NOSTRIN: variants seen among roughly 807,000 people sequenced by gnomAD.
NOSTRIN encodes nitric oxide synthase trafficking.
A neutral mutation model predicts 59.0 loss-of-function variants in NOSTRIN; 63 were observed. The observed-to-expected ratio is 1.07, with a 90% CI of 0.87 to 1.32. The LOEUF is 1.32. Among genes scored for constraint, NOSTRIN ranks in the 40% most tolerant of loss-of-function variants. The probability of loss-of-function intolerance (pLI) is 0.00; values close to 1 mark genes in which losing one functional copy is unlikely to be tolerated. For missense variants in NOSTRIN, 512 were observed against 473.1 expected (o/e 1.08, Z -0.76); for synonymous variants, 200 against 165.4 (o/e 1.21, Z -1.61).
intron 1 of NOSTRIN, among the ~76,000 whole-genome samples, chr2:168,802,975 A>C (rs1280944470): frequency 6.6e-6 from 1 of 152,210 alleles, no homozygotes; most frequent in African/African-American, 2.4e-5. Flanking sequence ...TTCTTAAGAC[A>C]TACACCCATG....
chr2:168,840,782 T>G (rs1383273210), intron 7 of NOSTRIN, among the ~76,000 whole-genome samples: 8 of 152,140 alleles, frequency 5.3e-5, no homozygotes. Flanking sequence ...GGGGGGATCT[T>G]TGATGTTTTT....
chr2:168,829,313 T>C (rs984628022), intron 5 of NOSTRIN, among the ~76,000 whole-genome samples: 9 of 151,706 alleles, frequency 5.9e-5, no homozygotes, highest in Non-Finnish European at 1.2e-4. Context: ...TCTTTTTTTT[T>C]CTCTCTCTCC....
At chr2:168,787,418 C>G (rs961205497) in intron 1 of NOSTRIN, among the ~76,000 whole-genome samples, 14 of 152,170 alleles carry the variant, frequency 9.2e-5, no homozygotes, top group Non-Finnish European at 1.9e-4. Flanking sequence ...GTCGCTAACT[C>G]TTACTTGGCC....
At chr2:168,793,968 C>T (rs1288540000), upstream of NOSTRIN, among the ~76,000 whole-genome samples, 10 of 152,358 alleles carry the variant, frequency 6.6e-5, 1 homozygote, top group South Asian at 1.5e-3. Context: ...TTGGATACCT[C>T]TTTGTAATTC....
upstream of NOSTRIN, among the ~76,000 whole-genome samples, chr2:168,798,801 C>T (rs949949305): frequency 1.1e-4 from 4 of 34,902 alleles, no homozygotes; most frequent in Non-Finnish European, 2.4e-4. Context: ...ATGCTTCGAT[C>T]GATCGATCGA....
chr2:168,860,799 A>G lies in NOSTRIN; in HGVS notation c.1184A>G (p.His395Arg), dbSNP rs774704823. 1.9e-6 allele frequency: 3 copies of G among 1,588,026 alleles called. No homozygotes were observed. Among genetic ancestry groups the G allele is most frequent in the Non-Finnish European group, 2.6e-6 (3 of 1,156,196 alleles). ...CTTTTTATGTCATTTGAACAGGAGC[A>G]TACTCATAGCTATGTGAAAATATCT... Reference protein sequence around the residue: ...NSIFRWREKEHTHSYVKISRP... With the variant: ...NSIFRWREKERTHSYVKISRP... The change falls in exon 14 of 16, where the codon CAT (histidine) becomes CGT (arginine). Residue 395 changes from histidine (H) to arginine (R), a missense_variant. His to Arg is a conservative substitution (Grantham distance 29, BLOSUM62 0). Transcript: ENST00000317647.
At chr2:168,862,880 A>G (rs890982459) in intron 15 of NOSTRIN, among the ~76,000 whole-genome samples, 4 of 152,218 alleles carry the variant, frequency 2.6e-5, no homozygotes, top group African/African-American at 7.2e-5. Context: ...CGACAAGGAC[A>G]TGGCTCCCAG....
intron 7 of NOSTRIN, among the ~76,000 whole-genome samples, chr2:168,835,346 T>C (rs1281182581): frequency 6.6e-6 from 1 of 152,216 alleles, no homozygotes; most frequent in Non-Finnish European, 1.5e-5. Context: ...CTCAAAGTGC[T>C]GGGATTATAG....
intron 7 of NOSTRIN, among the ~76,000 whole-genome samples, 182 bp downstream of exon 7, chr2:168,834,507 G>GCGTGCGCGCACACA (rs756381301): frequency 8.0e-6 from 1 of 125,342 alleles, no homozygotes; most frequent in Non-Finnish European, 1.7e-5. Context: ...GCGCGCGCGC[G>GCGTGCGCGCACACA]CACACACACA....
At chr2:168,793,395 C>T (rs1380723643), upstream of NOSTRIN, among the ~76,000 whole-genome samples, 1 of 152,028 alleles carries the variant, frequency 6.6e-6, no homozygotes, top group Non-Finnish European at 1.5e-5. Context: ...TTGCTTGAGC[C>T]CAGGAGCTTT....
In NOSTRIN at chr2:168,830,148, G is replaced by A. The variant is rs140236634; in HGVS notation, c.343-1324G>A. Among the ~76,000 whole-genome samples, 864 of 152,136 alleles carry A rather than the reference G, an allele frequency of 5.7e-3. 13 individuals carry two copies. The highest frequency in any genetic ancestry group is 0.02 in the African/African-American group (826 of 41,492). ...AAAACCAATTACTAGTCTATATTTC[G>A]TTGATTACAAAATATTTTTCACACT... On this transcript the variant is annotated intron_variant, in intron 5 of 15. Transcript: ENST00000317647.
At chr2:168,842,847 C>G in intron 7 of NOSTRIN, 145 bp from the exon 8 acceptor site, 1 of 619,256 alleles carries the variant, frequency 1.6e-6, no homozygotes, top group East Asian at 2.7e-5. Context: ...AAAGATCTTT[C>G]ATTTTGTCAA....
At chr2:168,822,781 G>A (rs868371236) in intron 2 of NOSTRIN, among the ~76,000 whole-genome samples, 51 of 152,232 alleles carry the variant, frequency 3.4e-4, no homozygotes, top group African/African-American at 1.2e-3. Context: ...GCTTTTGGAG[G>A]GCATGCCCAG....
upstream of NOSTRIN, among the ~76,000 whole-genome samples, chr2:168,800,046 C>T (rs897357683): frequency 2.6e-5 from 4 of 152,174 alleles, no homozygotes; most frequent in African/African-American, 4.8e-5. Flanking sequence ...CCAGAGGCCT[C>T]GAGCTCTTCC....
intron 5 of NOSTRIN, among the ~76,000 whole-genome samples, chr2:168,829,457 A>G (rs1040296677): frequency 1.3e-5 from 2 of 152,038 alleles, no homozygotes; most frequent in Non-Finnish European, 2.9e-5. Flanking sequence ...AGTAGCTGAC[A>G]TTACAGGTGC....
chr2:168,863,726 TG>T, intron 15 of NOSTRIN: 1 of 890,240 alleles, frequency 1.1e-6, no homozygotes, highest in Non-Finnish European at 1.3e-6. Flanking sequence ...GACATTGTCT[TG>T]ATCTTAAGAA....
intron 15 of NOSTRIN, among the ~76,000 whole-genome samples, chr2:168,864,159 G>A (rs1054651530): frequency 1.3e-5 from 2 of 151,940 alleles, no homozygotes; most frequent in African/African-American, 2.4e-5. Context: ...GTAGAGACGG[G>A]GTTTCACCAT....
chr2:168,825,714 G>A (rs922547767), intron 3 of NOSTRIN, among the ~76,000 whole-genome samples: 14 of 152,280 alleles, frequency 9.2e-5, no homozygotes, highest in Admixed American at 8.5e-4. Context: ...TAGTTCATTC[G>A]TGGTAATTTG....
intron 2 of NOSTRIN, among the ~76,000 whole-genome samples, chr2:168,790,768 T>C (rs185196372): frequency 1.3e-5 from 2 of 152,298 alleles, no homozygotes; most frequent in East Asian, 1.9e-4. Context: ...CAGGGTTAGA[T>C]AGTAGTGATG....
Sources: gnomAD v4.1 joint callset for allele counts (sites outside exome capture counted in the v4.1 genomes callset) on GRCh38, gnomAD v4.1.1 for gene constraint, MANE v1.5 for transcripts, NCBI Gene and HGNC (gene_info 2026-07-23, HGNC 2026-07-21) for gene names.